TAFA1: variants seen among roughly 807,000 people sequenced by gnomAD.
TAFA1 encodes TAFA chemokine like family member 1, also known as chemokine-like protein TAFA-1.
In TAFA1, 4 loss-of-function variants were observed where a neutral mutation model predicts 18.5. That is an observed-to-expected ratio of 0.22 (90% CI 0.11 to 0.49). TAFA1 has a LOEUF of 0.49. TAFA1 is among the 20% of genes least tolerant of loss of function. The pLI, the probability that TAFA1 is intolerant of heterozygous loss-of-function variation, is 0.98. For missense variants in TAFA1, 147 were observed against 169.0 expected (o/e 0.87, Z 0.72); for synonymous variants, 56 against 55.2 (o/e 1.01, Z -0.06).
Position 68,478,905 on chromosome 3 carries a change from C to T in TAFA1, c.260-59851C>T, listed in dbSNP as rs569504019. ...AGAAGTCACATATACATTTTTATGT[C>T]GTATATGTGTGTATATATATATATA... is the stretch of plus-strand genomic sequence containing the variant. On this transcript the variant is annotated intron_variant, in intron 3 of 4. Coordinates refer to ENST00000478136, the MANE Select transcript of TAFA1 (RefSeq NM_213609.4). 8.6e-5 allele frequency among the ~76,000 whole-genome samples: 10 copies of T among 116,626 alleles called. No individual in the cohort carries two copies. In the South Asian group the frequency reaches 1.6e-3, roughly 19 times the overall value. 76.5% of individuals were successfully genotyped at this position (116,626 alleles called of 152,430 possible).
chr3:68,274,755 T>C lies in TAFA1; in HGVS notation c.119-142525T>C, dbSNP rs79223611. Among the ~76,000 whole-genome samples the C allele has an allele frequency of 8.5e-3, 1,291 of 152,268 alleles. 57 individuals are homozygous for C. The East Asian group carries it at 0.13, about 15-fold the overall frequency. On this transcript the variant is annotated intron_variant, in intron 2 of 4. Transcript: ENST00000478136. ...TGTGGTGGGGGCTGCCTGTCTAGCA[T>C]GTGTATCATTAGCCTTACTCAGAAG...
chr3:68,209,758 T>G (rs1261819625), intron 2 of TAFA1, among the ~76,000 whole-genome samples: 1 of 152,072 alleles, frequency 6.6e-6, no homozygotes. Flanking sequence ...ATGTTTGCTG[T>G]TAAGTTAGGG....
At chr3:68,466,589 T>C (rs1310894526) in intron 3 of TAFA1, among the ~76,000 whole-genome samples, 3 of 152,108 alleles carry the variant, frequency 2.0e-5, no homozygotes, top group Admixed American at 6.6e-5. Flanking sequence ...CAGCATAAAA[T>C]CTTGAGCCCT....
At chr3:68,527,719 G>A (rs369042747) in intron 3 of TAFA1, among the ~76,000 whole-genome samples, 80 of 152,148 alleles carry the variant, frequency 5.3e-4, no homozygotes, top group African/African-American at 1.9e-3. Flanking sequence ...TTTAGAGTGG[G>A]AACTGTGTGT....
chr3:68,512,393 T>A (rs113518085), intron 3 of TAFA1, among the ~76,000 whole-genome samples: 2,219 of 152,220 alleles, frequency 0.015, 45 homozygotes, highest in African/African-American at 0.05. Context: ...AGAAAATAGA[T>A]GCTGGTATTA....
At chr3:68,448,890 A>G (rs1171530102) in intron 3 of TAFA1, among the ~76,000 whole-genome samples, 1 of 152,214 alleles carries the variant, frequency 6.6e-6, no homozygotes, top group African/African-American at 2.4e-5. Context: ...TGTGGGCTAT[A>G]AAACACTGTG....
At chr3:68,372,333 G>C (rs1417153475) in intron 2 of TAFA1, among the ~76,000 whole-genome samples, 1 of 152,096 alleles carries the variant, frequency 6.6e-6, no homozygotes, top group African/African-American at 2.4e-5. Flanking sequence ...GCAGTATGAT[G>C]GTTTAGTGAC....
At chr3:68,235,408 A>AT (rs1192509578) in intron 2 of TAFA1, among the ~76,000 whole-genome samples, 3 of 151,954 alleles carry the variant, frequency 2.0e-5, no homozygotes, top group Admixed American at 1.3e-4. Flanking sequence ...GTGTTATTTA[A>AT]TTTTTTTTCA....
chr3:68,389,033 T>G (rs1388318866), intron 2 of TAFA1, among the ~76,000 whole-genome samples: 2 of 152,202 alleles, frequency 1.3e-5, no homozygotes, highest in East Asian at 3.9e-4. Flanking sequence ...CATTACTATT[T>G]AATTAAAATA....
chr3:68,429,975 A>G lies in TAFA1; in HGVS notation c.259+12555A>G, dbSNP rs2071137272. 2.6e-5 allele frequency among the ~76,000 whole-genome samples: 4 copies of G among 152,026 alleles called. No homozygotes were observed. The South Asian group carries it at 8.3e-4, about 32-fold the overall frequency. On this transcript the variant is annotated intron_variant, in intron 3 of 4. Coordinates refer to ENST00000478136, the MANE Select transcript of TAFA1 (RefSeq NM_213609.4). ...TCACTCATTCATTCATTCAGCAATT[A>G]TTTTTGGAGTATTGACTATGTGCCA...
upstream of TAFA1, among the ~76,000 whole-genome samples, chr3:68,000,794 G>C (rs1015607284): frequency 2.8e-4 from 42 of 152,244 alleles, no homozygotes; most frequent in Admixed American, 1.0e-3. Flanking sequence ...GGGAGAAAGT[G>C]GATGGATTTG....
intron 3 of TAFA1, among the ~76,000 whole-genome samples, chr3:68,446,601 T>C (rs544444120): frequency 1.3e-5 from 2 of 152,316 alleles, no homozygotes; most frequent in South Asian, 4.1e-4. Flanking sequence ...ACCCAGTTTA[T>C]TCTAGATGGA....
intron 2 of TAFA1, among the ~76,000 whole-genome samples, chr3:68,040,633 T>C (rs900174307): frequency 1.3e-5 from 2 of 152,170 alleles, no homozygotes; most frequent in South Asian, 2.1e-4. Flanking sequence ...GTGGTCATCA[T>C]ACCAGCAGCA....
At chr3:68,230,282 C>T (rs992574464) in intron 2 of TAFA1, among the ~76,000 whole-genome samples, 5 of 151,684 alleles carry the variant, frequency 3.3e-5, no homozygotes, top group African/African-American at 9.7e-5. Flanking sequence ...CCCAATGAAC[C>T]TTCCCTGACT....
At position 68,405,699 on chromosome 3, in the gene TAFA1, CAAAAAAAAAAAAAA is replaced by C. The variant is rs56258198; in HGVS notation, c.119-11553_119-11540del. Among the ~76,000 whole-genome samples the C allele has an allele frequency of 2.9e-3, 96 of 32,870 alleles. 1 individual carries two copies. The highest frequency in any genetic ancestry group is 5.6e-3 in the African/African-American group (79 of 14,034). The allele number at this position is 32,870 out of a possible 152,430, so 21.6% of individuals were successfully genotyped here. ...TAGGCAATGGAGTGAGACTCTATCT[CAAAAAAAAAAAAAA>C]AAAAAAAAAAAAAAAAAAAAAAAAA... On this transcript the variant is annotated intron_variant, in intron 2 of 4. Transcript: ENST00000478136.
intron 3 of TAFA1, among the ~76,000 whole-genome samples, chr3:68,493,461 G>A (rs7619368): frequency 0.19 from 29,510 of 152,154 alleles, 2,979 homozygotes; most frequent in Non-Finnish European, 0.21. Flanking sequence ...GTGCACAAAT[G>A]TCTCTTAGAA....
chr3:68,026,076 A>T (rs1704808158), intron 2 of TAFA1, among the ~76,000 whole-genome samples: 1 of 152,208 alleles, frequency 6.6e-6, no homozygotes, highest in South Asian at 2.1e-4. Flanking sequence ...CACATGAGAT[A>T]GAGACCATTC....
At chr3:68,281,858 T>C (rs1373133615) in intron 2 of TAFA1, among the ~76,000 whole-genome samples, 1 of 152,202 alleles carries the variant, frequency 6.6e-6, no homozygotes, top group African/African-American at 2.4e-5. Context: ...AGGATTGATA[T>C]TTCTGATCCA....
intron 2 of TAFA1, among the ~76,000 whole-genome samples, chr3:68,041,720 T>A (rs1411168848): frequency 6.6e-6 from 1 of 152,200 alleles, no homozygotes; most frequent in East Asian, 1.9e-4. Context: ...TCTCTAGGAC[T>A]TTTCCCACTA....
Sources: allele counts gnomAD v4.1 joint callset (sites outside exome capture counted in the v4.1 genomes callset), GRCh38; gene constraint gnomAD v4.1.1; transcripts MANE v1.5; gene names NCBI Gene and HGNC (gene_info 2026-07-23, HGNC 2026-07-21).